TIAM2: variants seen among roughly 807,000 people sequenced by gnomAD.
The protein encoded by TIAM2 is rho guanine nucleotide exchange factor TIAM2.
A neutral mutation model predicts 152.9 loss-of-function variants in TIAM2; 80 were observed. The ratio of observed to expected loss-of-function variants is 0.52; its 90% CI spans 0.44 to 0.63. The LOEUF (loss-of-function observed/expected upper bound fraction) is 0.63, where lower values mean the gene tolerates loss of function less well. Ranked by LOEUF, TIAM2 falls within the 30% of genes least tolerant of loss-of-function variation. The pLI is 0.00. For synonymous variants in TIAM2, 804 were observed against 838.0 expected (o/e 0.96, Z 0.70); for missense variants, 1,965 against 2,120.1 (o/e 0.93, Z 1.44).
intron 1 of TIAM2, among the ~76,000 whole-genome samples, chr6:155,024,021 G>A (rs575056744): frequency 5.9e-5 from 9 of 152,128 alleles, no homozygotes; most frequent in Admixed American, 1.3e-4. Context: ...CTCTGCATGC[G>A]GCTCTCCAGG....
At chr6:155,180,884 C>G (rs1780886873) in intron 12 of TIAM2, among the ~76,000 whole-genome samples, 1 of 152,198 alleles carries the variant, frequency 6.6e-6, no homozygotes, top group South Asian at 2.1e-4. Context: ...GCTGGGATTA[C>G]AGGCATGAGC....
chr6:155,114,014 T>TTATATATATATATATA lies in TIAM2; in HGVS notation c.-117-13468_-117-13453dup. On this transcript the variant is annotated intron_variant, in intron 2 of 26. Transcript: ENST00000682666. Reference sequence around the variant, plus strand: ...AAAAATGTAAATTTTATACTTTACTTTATATATATATATATATATATATTT... The same window carrying TTATATATATATATATA: ...AAAAATGTAAATTTTATACTTTACTTTATATATATATATATATATATATATATATATATATATATTT... 3.2e-3 allele frequency among the ~76,000 whole-genome samples: 188 copies of TTATATATATATATATA among 58,818 alleles called. 9 individuals carry two copies. Among genetic ancestry groups the TTATATATATATATATA allele is most frequent in the South Asian group, 4.3e-3 (5 of 1,168 alleles). 38.6% of individuals were successfully genotyped at this position (58,818 alleles called of 152,430 possible).
intron 14 of TIAM2, among the ~76,000 whole-genome samples, chr6:155,209,225 G>A (rs906496322): frequency 8.6e-5 from 13 of 151,806 alleles, no homozygotes; most frequent in East Asian, 1.9e-4. Flanking sequence ...GAAGCAGCCC[G>A]CGAGAGCATT....
chr6:155,240,392 A>G, intron 15 of TIAM2, 138 bp from the exon 16 acceptor site: 1 of 818,170 alleles, frequency 1.2e-6, no homozygotes, highest in Non-Finnish European at 1.8e-6. Flanking sequence ...TTTGAGGTGA[A>G]TGAAACCCTT....
rs1392527088 is a variant in TIAM2, at chr6:155,179,056, C to T, written c.2541C>T (p.Pro847=). ...TLACKMRQLE[P]SHYGLQLRKL... ...CTTTATAGATGAGGCAGTTGGAACC[C>T]AGCCATTATGGCCTACAGCTTCGAA... Residue 847 remains proline (P), a synonymous_variant, in exon 11 of 27, where the codon CCC becomes CCT. Coordinates refer to ENST00000682666, the MANE Select transcript of TIAM2 (RefSeq NM_012454.4). 1.4e-5 allele frequency: 22 copies of T among 1,613,784 alleles called. No homozygotes were observed. The highest frequency in any genetic ancestry group is 1.8e-5 in the Non-Finnish European group (21 of 1,179,876).
Position 155,129,372 on chromosome 6 carries a change from G to T in TIAM2, c.149G>T (p.Ser50Ile). 1 of 1,614,178 alleles carries T rather than the reference G, an allele frequency of 6.2e-7. No individual in the cohort carries two copies. The highest frequency in any genetic ancestry group is 8.5e-7 in the Non-Finnish European group (1 of 1,180,034). Residue 50 changes from serine (S) to isoleucine (I), a missense_variant, in exon 4 of 27, where the codon AGC becomes ATC. Physicochemically the swap from Ser to Ile is moderately radical, Grantham distance 142 (BLOSUM62 -2). Coordinates refer to ENST00000682666, the MANE Select transcript of TIAM2 (RefSeq NM_012454.4). The surrounding 1 kb of genome is among the most constrained non-coding windows in gnomAD (Gnocchi z 4.8). ...TCATTGCATGGATGGGGTCACGGAA[G>T]CAACGGAGCAGGTTACAAGTCCAGG... is the stretch of plus-strand genomic sequence containing the variant. ...EKSLHGWGHG[S>I]NGAGYKSRSL...
chr6:155,133,095 C>T (rs760435333), intron 4 of TIAM2, among the ~76,000 whole-genome samples: 7 of 152,340 alleles, frequency 4.6e-5, no homozygotes, highest in East Asian at 1.9e-4. Flanking sequence ...TGGCTCACGC[C>T]TGTCATCCCA....
intron 15 of TIAM2, among the ~76,000 whole-genome samples, chr6:155,220,601 A>G (rs1782009721): frequency 6.6e-6 from 1 of 151,982 alleles, no homozygotes; most frequent in Non-Finnish European, 1.5e-5. Context: ...CTGTCTTTGG[A>G]TCACTGAGGC....
chr6:155,114,048 TTC>T (rs869071844), intron 2 of TIAM2, among the ~76,000 whole-genome samples: 2,911 of 60,882 alleles, frequency 0.048, 382 homozygotes, highest in African/African-American at 0.081. Context: ...TTTTTTTTTT[TTC>T]TTTTTTTTTT....
chr6:155,061,782 TCCTGAGGGTC>T (rs1175847728), intron 1 of TIAM2, among the ~76,000 whole-genome samples: 1 of 152,214 alleles, frequency 6.6e-6, no homozygotes, highest in Non-Finnish European at 1.5e-5. Context: ...TTGCGTTCTA[TCCTGAGGGTC>T]CCTGACATCC....
chr6:155,130,317 C>A lies in TIAM2; in HGVS notation c.1094C>A (p.Ala365Asp), dbSNP rs758383270. 6.2e-7 allele frequency: 1 copy of A among 1,614,020 alleles called. No individual in the cohort carries two copies. Among genetic ancestry groups the A allele is most frequent in the African/African-American group, 1.3e-5 (1 of 74,922 alleles). ...SFTLPCRKPK[A>D]FVEDTAKKDS... ...ACTCTCCCCTGTCGGAAGCCCAAAG[C>A]CTTTGTTGAGGATACTGCGAAGAAG... The change falls in exon 4 of 27, where the codon GCC becomes GAC. Residue 365 changes from alanine to aspartate, a missense_variant. By Grantham distance (126) the Ala-to-Asp change is moderately radical. This residue lies in a region of TIAM2 where 1,025 missense variants were observed against 1,119.4 expected (regional missense o/e 0.92). Transcript: ENST00000682666.
At chr6:155,052,902 C>G (rs1263846661) in intron 1 of TIAM2, among the ~76,000 whole-genome samples, 2 of 151,920 alleles carry the variant, frequency 1.3e-5, no homozygotes, top group Non-Finnish European at 2.9e-5. Flanking sequence ...TACATAAGTT[C>G]CATAAATGCT....
chr6:155,250,673 C>T, intron 21 of TIAM2: 1 of 1,497,164 alleles, frequency 6.7e-7, no homozygotes, highest in South Asian at 1.2e-5. Context: ...CATGTCTCAC[C>T]TACATGTGCG....
At chr6:155,237,496 C>T (rs143462195) in intron 15 of TIAM2, among the ~76,000 whole-genome samples, 1,616 of 152,356 alleles carry the variant, frequency 0.011, 30 homozygotes, top group African/African-American at 0.037. Context: ...CTGTGTGGGG[C>T]TCCAACCCCA....
intron 7 of TIAM2, among the ~76,000 whole-genome samples, chr6:155,161,363 A>G (rs373843061): frequency 6.6e-6 from 1 of 152,096 alleles, no homozygotes; most frequent in Non-Finnish European, 1.5e-5. Flanking sequence ...ATTTTTTTGT[A>G]GAGACAGGGT....
In TIAM2 at chr6:155,253,149, T is replaced by A. The variant is rs1195102602; in HGVS notation, c.4225+96T>A. ...AAAGGACCTTGGGGATAATTTTTGGTGCCTTTTATTTTATAGACAAGGAAA... is the reference window on the plus strand; with the variant it reads ...AAAGGACCTTGGGGATAATTTTTGGAGCCTTTTATTTTATAGACAAGGAAA... On this transcript the variant is annotated intron_variant, in intron 24 of 26. Transcript: ENST00000682666. The A allele has an allele frequency of 3.8e-6, 4 of 1,052,266 alleles. No homozygotes were observed. In the African/African-American group the frequency reaches 6.3e-5, roughly 17 times the overall value. 65.2% of individuals were successfully genotyped at this position (1,052,266 alleles called of 1,614,324 possible). A position where few individuals can be genotyped will look rare whatever the true frequency, so the allele number is the denominator to read the frequency against.
At chr6:155,256,015 A>AG (rs1192953287) in intron 26 of TIAM2, 1 of 155,108 alleles carries the variant, frequency 6.4e-6, no homozygotes, top group Non-Finnish European at 1.1e-5. Flanking sequence ...GTCTTTAAAA[A>AG]AAAAGGGGGG....
At chr6:155,145,251 T>A (rs1472496954) in intron 6 of TIAM2, among the ~76,000 whole-genome samples, 1 of 152,116 alleles carries the variant, frequency 6.6e-6, no homozygotes, top group Non-Finnish European at 1.5e-5. Context: ...GTGGAAGTGG[T>A]CTTAGGATCT....
At position 155,257,013 on chromosome 6, in the gene TIAM2, C is replaced by A; in HGVS notation, c.4998C>A (p.Ala1666=). 6.2e-7 allele frequency: 1 copy of A among 1,614,138 alleles called. No individual in the cohort carries two copies. The highest frequency in any genetic ancestry group is 1.1e-5 in the South Asian group (1 of 91,090). The change falls in exon 27 of 27, where the codon GCC becomes GCA. Residue 1666 remains alanine (A), a synonymous_variant. Transcript: ENST00000682666. The part of the protein sequence containing the change: ...HQSLDSQSEN[A]TIDLNSVLER... ...CCCTTGACAGTCAGTCTGAAAATGCCACCATCGACCTAAATTCTGTTCTAG... is the reference window on the plus strand; with the variant it reads ...CCCTTGACAGTCAGTCTGAAAATGCAACCATCGACCTAAATTCTGTTCTAG...
Sources: allele counts gnomAD v4.1 joint callset (sites outside exome capture counted in the v4.1 genomes callset), GRCh38; gene constraint gnomAD v4.1.1; regional missense constraint gnomAD v4.1.1; non-coding constraint Gnocchi (gnomAD v3.1); transcripts MANE v1.5; gene names NCBI Gene and HGNC (gene_info 2026-07-23, HGNC 2026-07-21).